The following NRG3 variants were observed in gnomAD, a reference collection of about 807,000 sequenced individuals.
NRG3 encodes pro-neuregulin-3, membrane-bound isoform.
Under a neutral mutation model 66.9 loss-of-function variants are expected in NRG3, and 31 were observed. That is an observed-to-expected ratio of 0.46 (90% CI 0.35 to 0.63). The LOEUF (loss-of-function observed/expected upper bound fraction) is 0.63, where lower values mean the gene tolerates loss of function less well. NRG3 is among the 20% of genes least tolerant of loss of function. NRG3 has a pLI of 0.00. For missense variants in NRG3, 910 were observed against 878.9 expected, an observed-to-expected ratio of 1.04 and a Z score of -0.45; for synonymous variants, 393 against 359.4, an observed-to-expected ratio of 1.09 and a Z score of -1.06.
At chr10:82,435,386 T>G (rs1302795303) in intron 2 of NRG3, among the ~76,000 whole-genome samples, 2 of 152,058 alleles carry the variant, frequency 1.3e-5, no homozygotes, top group Non-Finnish European at 2.9e-5. Flanking sequence ...TTAAGTTTTT[T>G]CAGAAAACCT....
intron 1 of NRG3, among the ~76,000 whole-genome samples, chr10:82,007,830 G>A (rs750695581): frequency 1.3e-5 from 2 of 151,880 alleles, no homozygotes; most frequent in African/African-American, 4.8e-5. Context: ...ACCTGTTATC[G>A]TGAATGACAA....
intron 1 of NRG3, among the ~76,000 whole-genome samples, chr10:81,960,919 C>G (rs918303623): frequency 2.0e-5 from 3 of 152,112 alleles, no homozygotes; most frequent in African/African-American, 7.2e-5. Context: ...GCCTCCAAGC[C>G]TATCCTTGTT....
At chr10:82,846,878 T>G (rs537920935) in intron 3 of NRG3, among the ~76,000 whole-genome samples, 66 of 152,304 alleles carry the variant, frequency 4.3e-4, no homozygotes, top group East Asian at 1.9e-4. Flanking sequence ...TGAGCGAGAT[T>G]GTGCTTGTGC....
chr10:82,109,792 C>A (rs1193137986), intron 1 of NRG3, among the ~76,000 whole-genome samples: 1 of 152,070 alleles, frequency 6.6e-6, no homozygotes, highest in African/African-American at 2.4e-5. Context: ...AACAAGCCTT[C>A]AAATTCAGTA....
intron 1 of NRG3, among the ~76,000 whole-genome samples, chr10:82,355,960 T>C (rs1476472505): frequency 6.6e-6 from 1 of 152,208 alleles, no homozygotes. Context: ...GTAAAGTCAT[T>C]GTGAAGGTTA....
rs142895323 is a variant in NRG3 at position 82,031,320 on chromosome 10, T to C, written c.823+155157T>C. Among the ~76,000 whole-genome samples the C allele has an allele frequency of 1.4e-3, 212 of 152,238 alleles. 1 individual carries two copies. Among genetic ancestry groups the C allele is most frequent in the African/African-American group, 4.8e-3 (201 of 41,566 alleles). On this transcript the variant is annotated intron_variant, in intron 1 of 8. Coordinates refer to ENST00000372141, the MANE Select transcript of NRG3 (RefSeq NM_001010848.4). ...AAATATCTGAATGAGTGTTGTAAAG[T>C]GGATACTCTCTAGAAAGCATCTGTC...
intron 3 of NRG3, among the ~76,000 whole-genome samples, chr10:82,842,852 C>T (rs1564556920): frequency 6.6e-6 from 1 of 152,198 alleles, no homozygotes; most frequent in Non-Finnish European, 1.5e-5. Context: ...TGTGGCGTAG[C>T]TGGGACTACA....
intron 2 of NRG3, among the ~76,000 whole-genome samples, chr10:82,429,205 C>T (rs1328593343): frequency 1.3e-5 from 2 of 151,970 alleles, no homozygotes; most frequent in Admixed American, 1.3e-4. Context: ...TTGCTTGATA[C>T]AGTTGTTTTT....
chr10:82,340,283 C>A (rs1305551891), intron 1 of NRG3, among the ~76,000 whole-genome samples: 1 of 152,188 alleles, frequency 6.6e-6, no homozygotes, highest in Non-Finnish European at 1.5e-5. Flanking sequence ...CTAAGTCTTT[C>A]TTGCATAAAA....
intron 1 of NRG3, among the ~76,000 whole-genome samples, chr10:82,176,540 A>T (rs2073045679): frequency 6.6e-6 from 1 of 152,122 alleles, no homozygotes; most frequent in Admixed American, 6.6e-5. Context: ...GTCACAGAGC[A>T]CACTGAAGGG....
intron 3 of NRG3, among the ~76,000 whole-genome samples, chr10:82,781,103 A>T (rs1210711569): frequency 6.6e-6 from 1 of 152,162 alleles, no homozygotes; most frequent in East Asian, 1.9e-4. Context: ...GAACTGGAAG[A>T]TGTTGAGGCA....
intron 2 of NRG3, among the ~76,000 whole-genome samples, chr10:82,469,647 C>T (rs1291870579): frequency 1.3e-5 from 2 of 152,182 alleles, no homozygotes; most frequent in African/African-American, 4.8e-5. Flanking sequence ...GAGAGCCAGC[C>T]TCTGAGTACC....
At chr10:82,450,699 T>C (rs986235975) in intron 2 of NRG3, among the ~76,000 whole-genome samples, 4 of 152,200 alleles carry the variant, frequency 2.6e-5, no homozygotes, top group African/African-American at 9.7e-5. Flanking sequence ...ATACGTTTAT[T>C]GATTGCATAA....
intron 1 of NRG3, among the ~76,000 whole-genome samples, chr10:82,242,238 T>G (rs555702011): frequency 6.6e-6 from 1 of 152,176 alleles, no homozygotes; most frequent in African/African-American, 2.4e-5. Flanking sequence ...CAGTTTTGTT[T>G]GTTTTCTATG....
At chr10:82,350,282 A>G (rs1001252549) in intron 1 of NRG3, among the ~76,000 whole-genome samples, 2 of 152,232 alleles carry the variant, frequency 1.3e-5, no homozygotes, top group African/African-American at 2.4e-5. Context: ...TGATGTTGGT[A>G]TAATTTTCAT....
chr10:82,143,285 T>G, intron 1 of NRG3, among the ~76,000 whole-genome samples: 1 of 152,100 alleles, frequency 6.6e-6, no homozygotes, highest in East Asian at 1.9e-4. Context: ...AAGTTGAGGA[T>G]AATAAGATGA....
chr10:82,371,819 G>T (rs1589883796), intron 2 of NRG3, among the ~76,000 whole-genome samples: 1 of 152,156 alleles, frequency 6.6e-6, no homozygotes, highest in Non-Finnish European at 1.5e-5. Context: ...CAGTGGTGAG[G>T]TGCCAGGCTT....
intron 3 of NRG3, among the ~76,000 whole-genome samples, chr10:82,825,222 A>G (rs2135604890): frequency 6.6e-6 from 1 of 152,168 alleles, no homozygotes; most frequent in East Asian, 1.9e-4. Context: ...TTTTGGTGTT[A>G]TATCTAAAAA....
chr10:82,122,018 G>A (rs2068123276), intron 1 of NRG3, among the ~76,000 whole-genome samples: 1 of 152,026 alleles, frequency 6.6e-6, no homozygotes, highest in Non-Finnish European at 1.5e-5. Flanking sequence ...TCTGTTCCTA[G>A]CAGTATGACC....
Sources: allele counts gnomAD v4.1 joint callset (sites outside exome capture counted in the v4.1 genomes callset), GRCh38; gene constraint gnomAD v4.1.1; transcripts MANE v1.5; gene names NCBI Gene and HGNC (gene_info 2026-07-23, HGNC 2026-07-21).